Variants in ATP2C1 observed in about 807,000 individuals in gnomAD.
ATP2C1 encodes the protein ATPase secretory pathway Ca2+ transporting 1, also known as calcium-transporting ATPase type 2C member 1.
A neutral mutation model predicts 120.5 loss-of-function variants in ATP2C1; 31 were observed. The observed-to-expected ratio is 0.26, with a 90% CI of 0.19 to 0.35. The LOEUF is 0.35. Among genes scored for constraint, ATP2C1 ranks in the 10% least tolerant of loss-of-function variants. The pLI, the probability that ATP2C1 is intolerant of heterozygous loss-of-function variation, is 1.00. For missense variants in ATP2C1, 731 were observed against 1,107.5 expected (o/e 0.66, Z 4.83); for synonymous variants, 351 against 358.7 (o/e 0.98, Z 0.24).
intron 20 of ATP2C1, among the ~76,000 whole-genome samples, chr3:130,987,683 A>G (rs2062087338): frequency 6.6e-6 from 1 of 152,222 alleles, no homozygotes; most frequent in Non-Finnish European, 1.5e-5. Flanking sequence ...TATTGTTACA[A>G]ATAAAACAGA....
At position 130,869,539 on chromosome 3, in the gene ATP2C1, G is replaced by C. The variant is rs547399628; in HGVS notation, c.108+18611G>C. On this transcript the variant is annotated intron_variant, in intron 1 of 26. Coordinates refer to the ATP2C1 transcript ENST00000504381. Reference sequence around the variant, plus strand: ...TAGGCCTCATGCATCAGTTAGCCAAGTTGTCAATACAAAGGAAAATTCTTG... The same window carrying C: ...TAGGCCTCATGCATCAGTTAGCCAACTTGTCAATACAAAGGAAAATTCTTG... Among the ~76,000 whole-genome samples, 7 of 150,432 alleles carry C rather than the reference G, an allele frequency of 4.7e-5. No individual in the cohort carries two copies. In the South Asian group the frequency reaches 1.5e-3, roughly 32 times the overall value.
intron 8 of ATP2C1, among the ~76,000 whole-genome samples, chr3:130,944,025 G>A (rs978068269): frequency 7.2e-5 from 11 of 152,154 alleles, no homozygotes; most frequent in African/African-American, 2.7e-4. Context: ...CTGTCATTAG[G>A]GTTTAAAGGA....
chr3:130,861,450 CAGG>C (rs1159171806), intron 1 of ATP2C1, among the ~76,000 whole-genome samples: 1 of 152,164 alleles, frequency 6.6e-6, no homozygotes, highest in Non-Finnish European at 1.5e-5. Flanking sequence ...TGTCTGAAGG[CAGG>C]AGAAGATCAA....
chr3:130,903,019 C>A (rs1228892510), intron 2 of ATP2C1, among the ~76,000 whole-genome samples: 1 of 151,896 alleles, frequency 6.6e-6, no homozygotes, highest in Non-Finnish European at 1.5e-5. Context: ...CTATTTCTTT[C>A]CTTTTAGGAA....
chr3:130,975,573 C>A, intron 18 of ATP2C1, 85 bp downstream of exon 18: 1 of 1,433,708 alleles, frequency 7.0e-7, no homozygotes, highest in Non-Finnish European at 9.7e-7. Context: ...CACATTTGAG[C>A]TGTCCAACTC....
intron 1 of ATP2C1, among the ~76,000 whole-genome samples, chr3:130,852,702 C>T (rs1040600446): frequency 3.3e-5 from 5 of 152,142 alleles, no homozygotes; most frequent in Admixed American, 6.5e-5. Flanking sequence ...TCATAACTAA[C>T]CTTGAAAGCT....
In ATP2C1 at chr3:131,001,817, T is replaced by C. The variant is rs1445968742; in HGVS notation, c.*467T>C. Reference sequence around the variant, plus strand: ...GAAGTTGATTCCCAGGAGTGCCATATTTCAGCTACTGTATTTCCTTTTTCT... The same window carrying C: ...GAAGTTGATTCCCAGGAGTGCCATACTTCAGCTACTGTATTTCCTTTTTCT... On this transcript the variant is annotated 3_prime_UTR_variant, in exon 28 of 28. Transcript: ENST00000510168. 3 of 986,120 alleles carry C rather than the reference T, an allele frequency of 3.0e-6. No individual in the cohort carries two copies. Among genetic ancestry groups the C allele is most frequent in the African/African-American group, 3.5e-5 (2 of 57,236 alleles). 61.1% of individuals were successfully genotyped at this position (986,120 alleles called of 1,614,324 possible). A position where few individuals can be genotyped will look rare whatever the true frequency, so the allele number is the denominator to read the frequency against.
At chr3:131,015,793 G>A (rs993973228) in intron 26 of ATP2C1, among the ~76,000 whole-genome samples, 10 of 152,116 alleles carry the variant, frequency 6.6e-5, no homozygotes, top group African/African-American at 2.4e-4. Flanking sequence ...TGGGTTATCA[G>A]AAAAAGGCTC....
chr3:130,874,773 G>A (rs991015488), intron 1 of ATP2C1, among the ~76,000 whole-genome samples: 18 of 152,182 alleles, frequency 1.2e-4, no homozygotes, highest in African/African-American at 4.3e-4. Context: ...AAAGGTGGCT[G>A]CTGTACTTCC....
chr3:131,010,708 C>T (rs1435968596), intron 26 of ATP2C1, among the ~76,000 whole-genome samples: 1 of 152,142 alleles, frequency 6.6e-6, no homozygotes, highest in Admixed American at 6.5e-5. Flanking sequence ...AGTGTGGCTA[C>T]GGCTGGAGTT....
chr3:130,968,340 C>T (rs2061146817), intron 16 of ATP2C1, among the ~76,000 whole-genome samples: 2 of 151,992 alleles, frequency 1.3e-5, no homozygotes, highest in Non-Finnish European at 2.9e-5. Flanking sequence ...GGGCAGAGAC[C>T]TCACATTTTA....
In ATP2C1 at chr3:130,926,988, C is replaced by T. The variant is rs191469483; in HGVS notation, c.7-3428C>T. On this transcript the variant is annotated intron_variant, in intron 2 of 27. Transcript: ENST00000510168. ...TTCACTGGAAATCTCAAGGACCCAC[C>T]TCTTCAGTCTGTAGCAGAAGTCTGC... Among the ~76,000 whole-genome samples the T allele has an allele frequency of 4.5e-3, 679 of 152,296 alleles. 3 individuals are homozygous for T. Among genetic ancestry groups the T allele is most frequent in the Non-Finnish European group, 8.1e-3 (550 of 68,018 alleles).
At chr3:130,972,742 A>G (rs1048814840) in intron 17 of ATP2C1, among the ~76,000 whole-genome samples, 10 of 150,108 alleles carry the variant, frequency 6.7e-5, no homozygotes, top group Non-Finnish European at 1.5e-4. Flanking sequence ...GCGATAGTTT[A>G]CTGAGAATGA....
At chr3:130,915,179 C>T (rs533334834) in intron 2 of ATP2C1, among the ~76,000 whole-genome samples, 6 of 151,964 alleles carry the variant, frequency 3.9e-5, no homozygotes, top group African/African-American at 1.2e-4. Context: ...CTGCAACCTC[C>T]GCCTCCTGGG....
At chr3:130,874,635 T>C (rs2068542044) in intron 1 of ATP2C1, among the ~76,000 whole-genome samples, 1 of 152,250 alleles carries the variant, frequency 6.6e-6, no homozygotes, top group Admixed American at 6.5e-5. Flanking sequence ...AGTCTAGTGG[T>C]AGGGCAGGCC....
chr3:130,872,040 A>AG (rs1282683208), intron 1 of ATP2C1, among the ~76,000 whole-genome samples: 5 of 151,978 alleles, frequency 3.3e-5, no homozygotes, highest in African/African-American at 1.2e-4. Flanking sequence ...AAAAAAAAAA[A>AG]AATCTTTAAG....
intron 2 of ATP2C1, among the ~76,000 whole-genome samples, chr3:130,922,226 G>A (rs2059003277): frequency 6.6e-6 from 1 of 151,994 alleles, no homozygotes; most frequent in South Asian, 2.1e-4. Flanking sequence ...ATCTCCTCTG[G>A]ATTTTCTAGT....
At chr3:131,014,986 T>C (rs1187743742) in intron 26 of ATP2C1, among the ~76,000 whole-genome samples, 2 of 152,370 alleles carry the variant, frequency 1.3e-5, no homozygotes, top group Admixed American at 6.5e-5. Flanking sequence ...AGAACTGTTT[T>C]GTTTTGCATT....
In ATP2C1 at chr3:130,915,086, C is replaced by T. The variant is rs117851673; in HGVS notation, c.7-15330C>T. On this transcript the variant is annotated intron_variant, in intron 2 of 27. Coordinates refer to ENST00000510168, the MANE Select transcript of ATP2C1 (RefSeq NM_001378687.1). ...GTGAACTTACTGGGATTAATTCATT[C>T]TGGGTTTTTTTTTTTTCCCCCCCTT... is the stretch of plus-strand genomic sequence containing the variant. Among the ~76,000 whole-genome samples the T allele has an allele frequency of 1.1e-4, 16 of 149,478 alleles. No individual in the cohort carries two copies. In the East Asian group the frequency reaches 2.9e-3, roughly 27 times the overall value.
Sources: allele counts gnomAD v4.1 joint callset (sites outside exome capture counted in the v4.1 genomes callset), GRCh38; gene constraint gnomAD v4.1.1; transcripts MANE v1.5; gene names NCBI Gene and HGNC (gene_info 2026-07-23, HGNC 2026-07-21).